The following RIT2 variants were observed in gnomAD, a reference collection of about 807,000 sequenced individuals.
RIT2 encodes Ras like without CAAX 2, also known as GTP-binding protein Rit2.
In RIT2, 24 loss-of-function variants were observed where a neutral mutation model predicts 23.7. That is an observed-to-expected ratio of 1.01 (90% CI 0.73 to 1.43). The LOEUF (loss-of-function observed/expected upper bound fraction) is 1.43, where lower values mean the gene tolerates loss of function less well. Among genes scored for constraint, RIT2 ranks in the 40% most tolerant of loss-of-function variants. The pLI, the probability that RIT2 is intolerant of heterozygous loss-of-function variation, is 0.00. For synonymous variants in RIT2, 107 were observed against 91.1 expected, an observed-to-expected ratio of 1.17 and a Z score of -0.99; for missense variants, 236 against 266.9, an observed-to-expected ratio of 0.88 and a Z score of 0.81.
intron 4 of RIT2, among the ~76,000 whole-genome samples, chr18:42,895,027 A>AAG (rs1350202897): frequency 6.6e-6 from 1 of 152,180 alleles, no homozygotes; most frequent in East Asian, 1.9e-4. Flanking sequence ...TAGAGGGAGA[A>AAG]AGAGGGTGAA....
At chr18:42,815,731 T>C (rs971192118) in intron 4 of RIT2, among the ~76,000 whole-genome samples, 1 of 152,172 alleles carries the variant, frequency 6.6e-6, no homozygotes, top group African/African-American at 2.4e-5. Flanking sequence ...AAGGCCTTTC[T>C]TATGAAGGGG....
intron 1 of RIT2, among the ~76,000 whole-genome samples, chr18:43,109,696 TACAGC>T (rs1913908085): frequency 6.6e-6 from 1 of 152,190 alleles, no homozygotes; most frequent in Non-Finnish European, 1.5e-5. Flanking sequence ...TATTACACAT[TACAGC>T]AAATTTTCCA....
At chr18:42,944,749 A>G (rs977544743) in intron 3 of RIT2, among the ~76,000 whole-genome samples, 2 of 152,148 alleles carry the variant, frequency 1.3e-5, no homozygotes, top group African/African-American at 4.8e-5. Flanking sequence ...TTTGTCTGCA[A>G]GTCGCTACTT....
chr18:43,018,192 G>A (rs900246065), intron 2 of RIT2, among the ~76,000 whole-genome samples: 19 of 152,016 alleles, frequency 1.2e-4, no homozygotes, highest in African/African-American at 4.6e-4. Flanking sequence ...CGCGAAGAGT[G>A]ATCAGAGTAG....
At chr18:42,802,565 A>G (rs945012208) in intron 4 of RIT2, among the ~76,000 whole-genome samples, 14 of 152,210 alleles carry the variant, frequency 9.2e-5, no homozygotes, top group African/African-American at 3.4e-4. Flanking sequence ...CAAGATAAAA[A>G]ATGAAAAACT....
chr18:42,854,782 G>A (rs1023097876), intron 4 of RIT2, among the ~76,000 whole-genome samples: 1 of 152,058 alleles, frequency 6.6e-6, no homozygotes, highest in Non-Finnish European at 1.5e-5. Flanking sequence ...TTTACATTAA[G>A]ACCTTGGCCT....
intron 4 of RIT2, among the ~76,000 whole-genome samples, chr18:42,849,817 A>T (rs1238546568): frequency 5.9e-5 from 9 of 152,180 alleles, no homozygotes. Flanking sequence ...CTAGGAAGGC[A>T]GGAAAACCCT....
chr18:43,030,679 G>T (rs1265723787), intron 2 of RIT2, among the ~76,000 whole-genome samples: 1 of 152,012 alleles, frequency 6.6e-6, no homozygotes, highest in Non-Finnish European at 1.5e-5. Context: ...AGTTTATAGA[G>T]AGTTGGGGAC....
chr18:43,096,569 A>G (rs921547389), intron 1 of RIT2, among the ~76,000 whole-genome samples: 3 of 151,934 alleles, frequency 2.0e-5, no homozygotes, highest in African/African-American at 4.8e-5. Context: ...GGTGACTGCT[A>G]GAGAGATACT....
intron 4 of RIT2, among the ~76,000 whole-genome samples, chr18:42,844,622 T>C (rs897871939): frequency 3.3e-5 from 5 of 151,594 alleles, no homozygotes; most frequent in Non-Finnish European, 7.4e-5. Flanking sequence ...TCTCCCCTAC[T>C]GACTGAGTCT....
chr18:42,909,653 G>A (rs2144117261), intron 4 of RIT2, among the ~76,000 whole-genome samples: 1 of 151,726 alleles, frequency 6.6e-6, no homozygotes, highest in Non-Finnish European at 1.5e-5. Context: ...TATACCTAAA[G>A]ATTGTTGGAA....
At chr18:43,064,381 C>T (rs1306336978) in intron 1 of RIT2, among the ~76,000 whole-genome samples, 1 of 152,100 alleles carries the variant, frequency 6.6e-6, no homozygotes, top group Non-Finnish European at 1.5e-5. Flanking sequence ...ATAGCTTATT[C>T]CCCTGACTGC....
At chr18:42,922,608 T>G (rs551077815) in intron 4 of RIT2, among the ~76,000 whole-genome samples, 1 of 152,266 alleles carries the variant, frequency 6.6e-6, no homozygotes, top group Non-Finnish European at 1.5e-5. Flanking sequence ...GGCAACTGAT[T>G]TATCATTACT....
intron 2 of RIT2, among the ~76,000 whole-genome samples, chr18:42,998,207 C>T (rs1002918541): frequency 6.6e-6 from 1 of 152,082 alleles, no homozygotes; most frequent in African/African-American, 2.4e-5. Context: ...CAAAGTGCTG[C>T]CCAGTAGCTT....
intron 4 of RIT2, chr18:42,920,653 G>T: frequency 7.4e-7 from 1 of 1,353,804 alleles, no homozygotes; most frequent in Non-Finnish European, 1.0e-6. Context: ...AAAGGGCCCT[G>T]GGATTTCCCA....
At chr18:42,758,805 C>T (rs1230883350) in intron 4 of RIT2, among the ~76,000 whole-genome samples, 1 of 151,956 alleles carries the variant, frequency 6.6e-6, no homozygotes, top group Admixed American at 6.6e-5. Flanking sequence ...CATGAGCCAC[C>T]ATACCTGGCC....
rs777569822 is a variant in RIT2 at position 42,923,745 on chromosome 18, G to A, written c.253C>T (p.Arg85Trp). Reference sequence around the variant, plus strand: ...TCCCCACCTCGCATGTACTGCTCCCGCATGGCTGTGAATTCTGCCTGCAGG... The same window carrying A: ...TCCCCACCTCGCATGTACTGCTCCCACATGGCTGTGAATTCTGCCTGCAGG... ...TAGQAEFTAMREQYMRGGEGF... is the reference protein window; with the variant it reads ...TAGQAEFTAMWEQYMRGGEGF... Residue 85 changes from arginine (R) to tryptophan (W), a missense_variant, in exon 4 of 5, where the codon CGG (arginine) becomes TGG (tryptophan). By Grantham distance (101) the Arg-to-Trp change is moderately radical. Transcript: ENST00000326695. 1.9e-6 allele frequency: 3 copies of A among 1,601,392 alleles called. No individual in the cohort carries two copies. Among genetic ancestry groups the A allele is most frequent in the Non-Finnish European group, 2.6e-6 (3 of 1,175,826 alleles).
intron 3 of RIT2, among the ~76,000 whole-genome samples, chr18:42,956,745 T>G (rs376277373): frequency 3.9e-5 from 6 of 152,200 alleles, no homozygotes; most frequent in African/African-American, 1.4e-4. Flanking sequence ...AGAAATTACA[T>G]CCAAAAAAAC....
At chr18:42,999,713 T>G (rs1373992417) in intron 2 of RIT2, among the ~76,000 whole-genome samples, 1 of 152,082 alleles carries the variant, frequency 6.6e-6, no homozygotes, top group Non-Finnish European at 1.5e-5. Flanking sequence ...GGTTTTAATT[T>G]CATGATTTTC....
Sources: gnomAD v4.1 joint callset for allele counts (sites outside exome capture counted in the v4.1 genomes callset) on GRCh38, gnomAD v4.1.1 for gene constraint, MANE v1.5 for transcripts, NCBI Gene and HGNC (gene_info 2026-07-23, HGNC 2026-07-21) for gene names.